Variants in SPOCK3 observed in about 807,000 individuals in gnomAD.
SPOCK3 encodes the protein testican-3.
SPOCK3 carries 30 observed loss-of-function variants against 56.6 expected under a neutral mutation model. The observed-to-expected ratio is 0.53, with a 90% CI of 0.40 to 0.72. The LOEUF (loss-of-function observed/expected upper bound fraction) is 0.72, where lower values mean the gene tolerates loss of function less well. SPOCK3 is among the 30% of genes least tolerant of loss of function. The probability of loss-of-function intolerance (pLI) is 0.00; values close to 1 mark genes in which losing one functional copy is unlikely to be tolerated. For synonymous variants in SPOCK3, 196 were observed against 183.3 expected (o/e 1.07, Z -0.56); for missense variants, 527 against 530.0 (o/e 0.99, Z 0.06).
chr4:166,990,537 A>G (rs968141431), intron 4 of SPOCK3, among the ~76,000 whole-genome samples: 5 of 152,258 alleles, frequency 3.3e-5, no homozygotes, highest in African/African-American at 1.2e-4. Context: ...ATTTATCTAC[A>G]TTAGGCAGCA....
intron 2 of SPOCK3, among the ~76,000 whole-genome samples, chr4:167,189,529 T>C (rs1732297562): frequency 1.4e-5 from 2 of 145,764 alleles, no homozygotes; most frequent in African/African-American, 2.6e-5. Flanking sequence ...TTTCAAGGTG[T>C]ACAATGTGAT....
chr4:167,148,030 T>C (rs115040667), intron 2 of SPOCK3, among the ~76,000 whole-genome samples: 105 of 152,238 alleles, frequency 6.9e-4, no homozygotes, highest in Non-Finnish European at 1.3e-3. Flanking sequence ...ATCCAAAAAA[T>C]GACCTCTGTA....
intron 2 of SPOCK3, among the ~76,000 whole-genome samples, chr4:167,134,937 T>G (rs989197788): frequency 1.3e-5 from 2 of 151,992 alleles, no homozygotes; most frequent in Admixed American, 6.6e-5. Flanking sequence ...TTCAATACCT[T>G]ATTCCCAGTT....
intron 10 of SPOCK3, 64 bp downstream of exon 10, chr4:166,737,403 T>G: frequency 6.6e-7 from 1 of 1,511,064 alleles, no homozygotes; most frequent in Non-Finnish European, 9.0e-7. Flanking sequence ...AACAAATGAA[T>G]GAGGCTCTAA....
At chr4:166,809,640 T>C (rs1403935927) in intron 6 of SPOCK3, among the ~76,000 whole-genome samples, 2 of 152,102 alleles carry the variant, frequency 1.3e-5, no homozygotes, top group Non-Finnish European at 2.9e-5. Flanking sequence ...TGTTTTTGCT[T>C]CATCAATACG....
chr4:167,059,494 AG>A lies in SPOCK3; in HGVS notation c.235+2997del, dbSNP rs1409656969. ...TTAGAATGGCAATCATTAAAAAGTC[AG>A]GAAACAACAGGTGCTGGAGAGGATG... On this transcript the variant is annotated intron_variant, in intron 3 of 10. Transcript: ENST00000357545. 3.9e-5 allele frequency among the ~76,000 whole-genome samples: 6 copies of A among 152,102 alleles called. No individual in the cohort carries two copies. In the Middle Eastern group the frequency reaches 0.01, roughly 259 times the overall value.
intron 5 of SPOCK3, among the ~76,000 whole-genome samples, chr4:166,898,428 A>C (rs1735651337): frequency 6.6e-6 from 1 of 152,044 alleles, no homozygotes; most frequent in Non-Finnish European, 1.5e-5. Context: ...AGCTTTTAAG[A>C]CTGTGTTGGA....
At chr4:167,135,247 A>G (rs1763015834) in intron 2 of SPOCK3, among the ~76,000 whole-genome samples, 1 of 152,102 alleles carries the variant, frequency 6.6e-6, no homozygotes, top group South Asian at 2.1e-4. Flanking sequence ...ATGCATACAT[A>G]GAAAATGTCC....
At chr4:166,886,211 A>T (rs973534243) in intron 6 of SPOCK3, among the ~76,000 whole-genome samples, 1 of 152,116 alleles carries the variant, frequency 6.6e-6, no homozygotes, top group African/African-American at 2.4e-5. Context: ...AAATCAGCTG[A>T]AATGTCAATA....
intron 5 of SPOCK3, among the ~76,000 whole-genome samples, chr4:166,904,845 CT>C (rs1462205006): frequency 2.0e-5 from 3 of 151,938 alleles, no homozygotes; most frequent in Non-Finnish European, 4.4e-5. Context: ...CTCCTGTATT[CT>C]TTTTCCTTGG....
chr4:167,036,867 A>G (rs1337748703), intron 3 of SPOCK3, among the ~76,000 whole-genome samples: 1 of 152,096 alleles, frequency 6.6e-6, no homozygotes, highest in Non-Finnish European at 1.5e-5. Context: ...CAAAAAAAAT[A>G]TTTTGGGAGA....
intron 5 of SPOCK3, among the ~76,000 whole-genome samples, chr4:166,901,202 A>G (rs1024805686): frequency 6.6e-6 from 1 of 152,122 alleles, no homozygotes; most frequent in African/African-American, 2.4e-5. Context: ...GAATGCTACC[A>G]GTCTGGTTGC....
intron 5 of SPOCK3, among the ~76,000 whole-genome samples, chr4:166,898,781 G>A (rs941570877): frequency 1.3e-5 from 2 of 152,182 alleles, no homozygotes; most frequent in South Asian, 4.1e-4. Flanking sequence ...AAATAGGTGT[G>A]TGTAACTTCA....
chr4:167,155,141 G>A (rs1474750770), intron 2 of SPOCK3, among the ~76,000 whole-genome samples: 1 of 150,854 alleles, frequency 6.6e-6, no homozygotes, highest in African/African-American at 2.4e-5. Flanking sequence ...TTTTTAAGGC[G>A]GAGTCTTGCT....
At chr4:167,193,453 C>T (rs1732647330) in intron 2 of SPOCK3, among the ~76,000 whole-genome samples, 1 of 145,978 alleles carries the variant, frequency 6.9e-6, no homozygotes, top group African/African-American at 2.6e-5. Context: ...ATACTTTACA[C>T]ATTTTTATAT....
At position 167,222,321 on chromosome 4, in the gene SPOCK3, G is replaced by A. The variant is rs369869896; in HGVS notation, c.189+11664C>T. On this transcript the variant is annotated intron_variant, in intron 2 of 10. Transcript: ENST00000357545. ...GGCAAAATGGGATGTGGTTAAATGA[G>A]TATAAAGTTTCAGTTCTGCAATGAA... Among the ~76,000 whole-genome samples, 90 of 151,992 alleles carry A rather than the reference G, an allele frequency of 5.9e-4. 4 individuals carry two copies. In the South Asian group the frequency reaches 8.3e-3, roughly 14 times the overall value.
chr4:166,800,590 T>C (rs1742477341), intron 6 of SPOCK3, among the ~76,000 whole-genome samples: 1 of 151,916 alleles, frequency 6.6e-6, no homozygotes. Context: ...AAAAAAATGT[T>C]TAAAAAGTAA....
chr4:166,842,151 C>A (rs1747470310), intron 6 of SPOCK3, among the ~76,000 whole-genome samples: 1 of 152,194 alleles, frequency 6.6e-6, no homozygotes, highest in Non-Finnish European at 1.5e-5. Context: ...CTCATAGAGG[C>A]AGTGCGGACC....
At chr4:167,151,360 G>A (rs1195995384) in intron 2 of SPOCK3, among the ~76,000 whole-genome samples, 4 of 152,044 alleles carry the variant, frequency 2.6e-5, no homozygotes, top group Non-Finnish European at 5.9e-5. Context: ...GTGCAAGCCT[G>A]CCAACAACCC....
Sources: gnomAD v4.1 joint callset for allele counts (sites outside exome capture counted in the v4.1 genomes callset) on GRCh38, gnomAD v4.1.1 for gene constraint, MANE v1.5 for transcripts, NCBI Gene and HGNC (gene_info 2026-07-23, HGNC 2026-07-21) for gene names.